The following PARP8 variants were observed in gnomAD, a reference collection of about 807,000 sequenced individuals.
PARP8 encodes poly(ADP-ribose) polymerase family member 8.
In PARP8, 51 loss-of-function variants were observed where a neutral mutation model predicts 124.1. That is an observed-to-expected ratio of 0.41 (90% CI 0.33 to 0.52). The LOEUF is 0.52. Ranked by LOEUF, PARP8 falls within the 20% of genes least tolerant of loss-of-function variation. The pLI is 0.21. For synonymous variants in PARP8, 391 were observed against 361.5 expected, an observed-to-expected ratio of 1.08 and a Z score of -0.93; for missense variants, 860 against 1,018.9, an observed-to-expected ratio of 0.84 and a Z score of 2.12.
Position 50,750,220 on chromosome 5 carries a change from G to A in PARP8, c.184+32G>A, listed in dbSNP as rs74647654. 1,955 of 1,519,510 alleles carry A rather than the reference G, an allele frequency of 1.3e-3. 14 individuals are homozygous for A. In the African/African-American group the frequency reaches 0.02, roughly 16 times the overall value. The allele number at this position is 1,519,510 out of a possible 1,614,324, so 94.1% of individuals were successfully genotyped here. ...TTTTCTTGTTTTATTACAGATATTC[G>A]TATCAGGGTTCCTTTGAATATTTTT... On this transcript the variant is annotated intron_variant, in intron 3 of 25. Transcript: ENST00000281631.
At chr5:50,725,713 A>C (rs1039334124) in intron 2 of PARP8, among the ~76,000 whole-genome samples, 1 of 152,168 alleles carries the variant, frequency 6.6e-6, no homozygotes, top group African/African-American at 2.4e-5. Context: ...TACAGTATAC[A>C]ACACTTGTGC....
At chr5:50,709,789 A>C (rs1754532607) in intron 2 of PARP8, among the ~76,000 whole-genome samples, 1 of 151,188 alleles carries the variant, frequency 6.6e-6, no homozygotes. Flanking sequence ...AAGGAACCAA[A>C]AGAGAGATAA....
chr5:50,840,246 A>G (rs1284186332), intron 25 of PARP8, among the ~76,000 whole-genome samples: 1 of 151,938 alleles, frequency 6.6e-6, no homozygotes, highest in African/African-American at 2.4e-5. Flanking sequence ...ATCACTTAAA[A>G]TGCTGGTCTG....
intron 2 of PARP8, among the ~76,000 whole-genome samples, chr5:50,735,353 A>G (rs903489934): frequency 6.6e-6 from 1 of 152,170 alleles, no homozygotes; most frequent in Non-Finnish European, 1.5e-5. Flanking sequence ...TAATGTATAC[A>G]TGGACAATGT....
chr5:50,754,512 C>G (rs1367487707), intron 3 of PARP8, among the ~76,000 whole-genome samples: 1 of 152,052 alleles, frequency 6.6e-6, no homozygotes, highest in East Asian at 1.9e-4. Flanking sequence ...AGGACATGAA[C>G]TCATCATTTT....
chr5:50,769,272 G>T (rs1029063808), intron 7 of PARP8, among the ~76,000 whole-genome samples: 7 of 149,946 alleles, frequency 4.7e-5, no homozygotes, highest in Non-Finnish European at 3.0e-5. Context: ...GATAAGGGTC[G>T]TACTGATTTT....
intron 2 of PARP8, among the ~76,000 whole-genome samples, chr5:50,734,857 G>A (rs1441313958): frequency 2.0e-5 from 3 of 152,072 alleles, no homozygotes; most frequent in Non-Finnish European, 4.4e-5. Flanking sequence ...CCAAAATCAA[G>A]GAGGCCAAGA....
Position 50,832,851 on chromosome 5 carries a change from A to C in PARP8, c.2304A>C (p.Ser768=), listed in dbSNP as rs1291884873. The C allele has an allele frequency of 6.2e-7, 1 of 1,612,946 alleles. No homozygotes were observed. Among genetic ancestry groups the C allele is most frequent in the Non-Finnish European group, 8.5e-7 (1 of 1,179,248 alleles). The part of the protein sequence containing the change: ...PASSSKSSNT[S]QSQKKGQQSQ... Reference sequence around the variant, plus strand: ...CAAGCAGTAAAAGCAGCAATACATCACAGGTGTTGTAGTGACTTTAGTGAC... The same window carrying C: ...CAAGCAGTAAAAGCAGCAATACATCCCAGGTGTTGTAGTGACTTTAGTGAC... The change falls in exon 23 of 26, where the codon TCA becomes TCC. Residue 768 remains serine (S), a synonymous_variant. Transcript: ENST00000281631.
intron 2 of PARP8, among the ~76,000 whole-genome samples, chr5:50,689,105 T>A (rs982209173): frequency 6.6e-6 from 1 of 151,468 alleles, no homozygotes; most frequent in African/African-American, 2.4e-5. Flanking sequence ...AGCTGCTGTT[T>A]TGACCCTCTG....
chr5:50,835,246 A>G (rs1747436926), intron 25 of PARP8, among the ~76,000 whole-genome samples: 1 of 152,194 alleles, frequency 6.6e-6, no homozygotes, highest in African/African-American at 2.4e-5. Flanking sequence ...TTACAACTAA[A>G]AAAAACACCA....
At chr5:50,757,419 C>G (rs536180819) in intron 3 of PARP8, among the ~76,000 whole-genome samples, 5 of 152,060 alleles carry the variant, frequency 3.3e-5, no homozygotes, top group Non-Finnish European at 7.4e-5. Flanking sequence ...CTTTCCTGTT[C>G]TATGTTTCTG....
intron 2 of PARP8, among the ~76,000 whole-genome samples, chr5:50,675,140 A>C (rs926780471): frequency 6.6e-6 from 1 of 152,224 alleles, no homozygotes; most frequent in African/African-American, 2.4e-5. Context: ...ACCTTTGTGC[A>C]GTCAGGTCAA....
intron 3 of PARP8, among the ~76,000 whole-genome samples, chr5:50,755,202 A>G (rs887990838): frequency 1.3e-5 from 2 of 152,088 alleles, no homozygotes; most frequent in Non-Finnish European, 2.9e-5. Flanking sequence ...CCATTTGCCA[A>G]TCTTGTCTTT....
chr5:50,826,124 ATTC>A (rs1397668721), intron 18 of PARP8, among the ~76,000 whole-genome samples: 1 of 151,968 alleles, frequency 6.6e-6, no homozygotes, highest in East Asian at 1.9e-4. Flanking sequence ...TTAACTTTTA[ATTC>A]TTGTGATCAT....
intron 23 of PARP8, chr5:50,833,340 C>T (rs1378314884): frequency 5.6e-5 from 24 of 426,560 alleles, no homozygotes; most frequent in South Asian, 1.3e-4. Flanking sequence ...ATGATGAGTG[C>T]GTGAGCCATG....
intron 9 of PARP8, among the ~76,000 whole-genome samples, chr5:50,781,062 T>C (rs940386822): frequency 8.5e-5 from 13 of 152,180 alleles, no homozygotes; most frequent in Non-Finnish European, 1.6e-4. Flanking sequence ...AATCCCAATA[T>C]GCTGGTTGGA....
At chr5:50,739,854 A>G (rs905640627) in intron 2 of PARP8, among the ~76,000 whole-genome samples, 2 of 149,662 alleles carry the variant, frequency 1.3e-5, no homozygotes, top group Admixed American at 1.3e-4. Context: ...GGTTCAAGCA[A>G]TTCTCTGCCT....
chr5:50,741,234 T>A (rs185067033), intron 2 of PARP8, among the ~76,000 whole-genome samples: 1 of 152,196 alleles, frequency 6.6e-6, no homozygotes, highest in African/African-American at 2.4e-5. Context: ...ATAATATTTA[T>A]ATAATTAATT....
intron 7 of PARP8, among the ~76,000 whole-genome samples, chr5:50,774,495 G>A (rs1761960130): frequency 6.8e-6 from 1 of 148,144 alleles, no homozygotes; most frequent in South Asian, 2.2e-4. Flanking sequence ...GGGCGGCCGG[G>A]CAGAGGCGCT....
Sources: gnomAD v4.1 joint callset for allele counts (sites outside exome capture counted in the v4.1 genomes callset) on GRCh38, gnomAD v4.1.1 for gene constraint, MANE v1.5 for transcripts, NCBI Gene and HGNC (gene_info 2026-07-23, HGNC 2026-07-21) for gene names.